Variants in SLC16A12 observed in about 807,000 individuals in gnomAD.
The protein encoded by SLC16A12 is solute carrier family 16 member 12.
SLC16A12 carries 17 observed loss-of-function variants against 42.4 expected under a neutral mutation model. The observed-to-expected ratio is 0.40, with a 90% CI of 0.27 to 0.60. The LOEUF is 0.60. SLC16A12 is among the 20% of genes least tolerant of loss of function. The pLI is 0.42. For synonymous variants in SLC16A12, 224 were observed against 229.4 expected, an observed-to-expected ratio of 0.98 and a Z score of 0.21; for missense variants, 544 against 623.0, an observed-to-expected ratio of 0.87 and a Z score of 1.35.
chr10:89,481,915 T>A (rs909919254), intron 2 of SLC16A12, among the ~76,000 whole-genome samples: 12 of 152,104 alleles, frequency 7.9e-5, no homozygotes, highest in African/African-American at 2.7e-4. Flanking sequence ...TTTTCTTTCA[T>A]AAACTTCTTG....
chr10:89,433,856 C>T (rs932878875), intron 7 of SLC16A12, among the ~76,000 whole-genome samples: 4 of 151,964 alleles, frequency 2.6e-5, no homozygotes, highest in Non-Finnish European at 5.9e-5. Context: ...TGCAAACTAG[C>T]TTTTTTTTCT....
At chr10:89,517,769 G>A (rs977713137) in intron 2 of SLC16A12, among the ~76,000 whole-genome samples, 5 of 152,180 alleles carry the variant, frequency 3.3e-5, no homozygotes, top group Non-Finnish European at 7.3e-5. Flanking sequence ...ACAGTTCACA[G>A]GAGGTAGCCA....
intron 2 of SLC16A12, 56 bp from the exon 3 acceptor site, chr10:89,462,680 T>A: frequency 6.8e-7 from 1 of 1,468,184 alleles, no homozygotes; most frequent in Non-Finnish European, 8.9e-7. Flanking sequence ...AAAGGTTGAT[T>A]TTTCTTCACT....
chr10:89,524,160 G>T (rs1843409470), intron 2 of SLC16A12, among the ~76,000 whole-genome samples: 1 of 152,084 alleles, frequency 6.6e-6, no homozygotes, highest in Non-Finnish European at 1.5e-5. Context: ...ATAAATAAAA[G>T]TCTTACCATA....
intron 2 of SLC16A12, among the ~76,000 whole-genome samples, chr10:89,472,654 AG>A (rs1842519014): frequency 6.6e-6 from 1 of 151,136 alleles, no homozygotes; most frequent in Non-Finnish European, 1.5e-5. Flanking sequence ...AACCATGCCC[AG>A]CTAATTTTTG....
At chr10:89,466,977 G>A (rs1369056940) in intron 2 of SLC16A12, among the ~76,000 whole-genome samples, 1 of 152,122 alleles carries the variant, frequency 6.6e-6, no homozygotes, top group Non-Finnish European at 1.5e-5. Context: ...GCATTCAAGA[G>A]TCTACCTACA....
rs185875257 is a variant in SLC16A12 at position 89,474,239 on chromosome 10, T to A, written c.-46-11615A>T. Among the ~76,000 whole-genome samples the A allele has an allele frequency of 2.8e-3, 431 of 152,248 alleles. 1 individual carries two copies. Among genetic ancestry groups the A allele is most frequent in the African/African-American group, 9.9e-3 (411 of 41,550 alleles). ...TTCTTGTTATCTATTTACCTTTCTC[T>A]CTGTCTCCCACTAGACTGTTTAACT... On this transcript the variant is annotated intron_variant, in intron 2 of 7. Transcript: ENST00000371790.
At chr10:89,551,283 A>G (rs1843768952) in intron 2 of SLC16A12, among the ~76,000 whole-genome samples, 1 of 152,136 alleles carries the variant, frequency 6.6e-6, no homozygotes, top group South Asian at 2.1e-4. Flanking sequence ...CTTTACTAAA[A>G]ATACTAAAAA....
chr10:89,484,525 AATT>A (rs1007708414), intron 2 of SLC16A12, among the ~76,000 whole-genome samples: 17 of 152,158 alleles, frequency 1.1e-4, no homozygotes, highest in Non-Finnish European at 2.4e-4. Flanking sequence ...CACAAGTGAT[AATT>A]ATTATTATTA....
At chr10:89,545,045 A>T (rs1306554375) in intron 2 of SLC16A12, among the ~76,000 whole-genome samples, 1 of 152,138 alleles carries the variant, frequency 6.6e-6, no homozygotes, top group Non-Finnish European at 1.5e-5. Flanking sequence ...CTCTCTCTCA[A>T]ATCCTGCACT....
intron 2 of SLC16A12, among the ~76,000 whole-genome samples, chr10:89,548,051 C>A (rs966035239): frequency 1.3e-5 from 2 of 151,170 alleles, no homozygotes; most frequent in Non-Finnish European, 2.9e-5. Context: ...GGCTGGAACA[C>A]CTTCTTGGAG....
At chr10:89,519,260 G>A (rs886381394) in intron 2 of SLC16A12, among the ~76,000 whole-genome samples, 22 of 148,232 alleles carry the variant, frequency 1.5e-4, no homozygotes, top group African/African-American at 4.0e-4. Context: ...AAAAAACTAC[G>A]CATCGGGTAC....
intron 2 of SLC16A12, among the ~76,000 whole-genome samples, chr10:89,552,422 G>T (rs1002439160): frequency 1.3e-5 from 2 of 152,214 alleles, no homozygotes; most frequent in African/African-American, 2.4e-5. Context: ...TTGGAGTTAG[G>T]CATCATCTGG....
chr10:89,543,623 G>C (rs1407885168), intron 2 of SLC16A12, among the ~76,000 whole-genome samples: 1 of 152,068 alleles, frequency 6.6e-6, no homozygotes, highest in Non-Finnish European at 1.5e-5. Context: ...CAGCCCAAGA[G>C]TTTGAGATCA....
In SLC16A12 at chr10:89,549,599, G is replaced by GT. The variant is rs1028060145; in HGVS notation, c.-47+6282dup. Among the ~76,000 whole-genome samples the GT allele has an allele frequency of 9.3e-5, 14 of 151,290 alleles. No individual in the cohort carries two copies. The East Asian group carries it at 9.7e-4, about 11-fold the overall frequency. ...AGAAAAAGTCACCTTAGTGTTTTGGGTTTTTTTTTAAGTTTATAAAAAGAA... is the reference window on the plus strand; with the variant it reads ...AGAAAAAGTCACCTTAGTGTTTTGGGTTTTTTTTTTAAGTTTATAAAAAGAA... On this transcript the variant is annotated intron_variant, in intron 2 of 2. Coordinates refer to the SLC16A12 transcript ENST00000475682.
At chr10:89,521,153 G>C (rs1433619817) in intron 2 of SLC16A12, among the ~76,000 whole-genome samples, 1 of 152,180 alleles carries the variant, frequency 6.6e-6, no homozygotes, top group Admixed American at 6.5e-5. Flanking sequence ...GCCAGCCAAG[G>C]CTCCTTCCCC....
intron 2 of SLC16A12, among the ~76,000 whole-genome samples, chr10:89,466,081 T>C (rs559119135): frequency 1.3e-5 from 2 of 152,200 alleles, no homozygotes; most frequent in Non-Finnish European, 2.9e-5. Context: ...TTAAGAGTTA[T>C]ATGAATTCAA....
intron 2 of SLC16A12, among the ~76,000 whole-genome samples, chr10:89,553,214 A>C (rs185881015): frequency 1.5e-4 from 23 of 152,344 alleles, no homozygotes; most frequent in Middle Eastern, 3.4e-3. Flanking sequence ...CTTGCTCAGA[A>C]TTTCTTGTGG....
intron 2 of SLC16A12, among the ~76,000 whole-genome samples, chr10:89,491,196 A>G (rs2133806586): frequency 6.6e-6 from 1 of 152,262 alleles, no homozygotes; most frequent in African/African-American, 2.4e-5. Context: ...AGCTGCCTGG[A>G]GCCATTATAA....
Sources: gnomAD v4.1 joint callset for allele counts (sites outside exome capture counted in the v4.1 genomes callset) on GRCh38, gnomAD v4.1.1 for gene constraint, MANE v1.5 for transcripts, NCBI Gene and HGNC (gene_info 2026-07-23, HGNC 2026-07-21) for gene names.